The following GABPB1 variants were observed in gnomAD, a reference collection of about 807,000 sequenced individuals.
GABPB1 encodes the protein GA binding protein transcription factor subunit beta 1, also known as GA-binding protein subunit beta-1.
In GABPB1, 15 loss-of-function variants were observed where a neutral mutation model predicts 45.9. The ratio of observed to expected loss-of-function variants is 0.33; its 90% CI spans 0.22 to 0.50. The LOEUF (loss-of-function observed/expected upper bound fraction) is 0.50. Among genes scored for constraint, GABPB1 ranks in the 20% least tolerant of loss-of-function variants. The pLI is 0.98. For missense variants in GABPB1, 252 were observed against 457.5 expected (o/e 0.55, Z 4.10); for synonymous variants, 143 against 154.4 (o/e 0.93, Z 0.55).
chr15:50,346,007 G>A (rs775898772), intron 1 of GABPB1, among the ~76,000 whole-genome samples: 2 of 152,162 alleles, frequency 1.3e-5, no homozygotes, highest in South Asian at 2.1e-4. Flanking sequence ...CACCACGCCC[G>A]GTGAGAAGTC....
intron 1 of GABPB1, among the ~76,000 whole-genome samples, chr15:50,338,808 C>A (rs1438819188): frequency 6.6e-6 from 1 of 152,196 alleles, no homozygotes; most frequent in Non-Finnish European, 1.5e-5. Flanking sequence ...AAGCTATCTA[C>A]CACGATCACT....
intron 1 of GABPB1, among the ~76,000 whole-genome samples, chr15:50,333,758 G>A (rs2048023188): frequency 1.3e-5 from 2 of 152,144 alleles, no homozygotes. Context: ...GCCAGGCGTG[G>A]TGGCTCACGC....
At chr15:50,325,304 CAAAAA>C (rs35524259) in intron 1 of GABPB1, among the ~76,000 whole-genome samples, 7 of 120,990 alleles carry the variant, frequency 5.8e-5, no homozygotes, top group Admixed American at 8.1e-5. Context: ...GATGTTATGC[CAAAAA>C]AAAAAAAAAA....
intron 8 of GABPB1, 110 bp downstream of exon 8, chr15:50,285,958 C>T: frequency 6.8e-7 from 1 of 1,480,736 alleles, no homozygotes; most frequent in South Asian, 1.5e-5. Flanking sequence ...ATACTACGCA[C>T]TTTCATTCTG....
In GABPB1 at chr15:50,276,055, C is replaced by T. The variant is rs887352668; in HGVS notation, c.*2577G>A. 6 of 152,210 alleles carry T rather than the reference C, an allele frequency of 3.9e-5. No homozygotes were observed. The highest frequency in any genetic ancestry group is 7.3e-5 in the Non-Finnish European group (5 of 68,036). The allele number at this position is 152,210 out of a possible 1,614,324, so 9.4% of individuals were successfully genotyped here. ...AAGAAAATAATTCATTACACCATAA[C>T]ACTAAATGGCTTGTCTTGCAGAACC... On this transcript the variant is annotated 3_prime_UTR_variant, in exon 9 of 9. Transcript: ENST00000380877.
intron 1 of GABPB1, among the ~76,000 whole-genome samples, chr15:50,338,906 C>T (rs2048242536): frequency 6.6e-6 from 1 of 152,214 alleles, no homozygotes; most frequent in South Asian, 2.1e-4. Context: ...CACAGTGGCT[C>T]ATGTCTCACT....
chr15:50,292,838 G>A (rs1225998591), intron 6 of GABPB1, among the ~76,000 whole-genome samples: 1 of 101,420 alleles, frequency 9.9e-6, no homozygotes, highest in East Asian at 2.2e-4. Context: ...CAAAATAAAA[G>A]TGTGTATATG....
intron 1 of GABPB1, among the ~76,000 whole-genome samples, chr15:50,315,759 T>C (rs1428435820): frequency 6.6e-6 from 1 of 152,172 alleles, no homozygotes; most frequent in Non-Finnish European, 1.5e-5. Flanking sequence ...AAGTCACTAA[T>C]TTACTCAGTT....
At chr15:50,354,321 T>G in intron 1 of GABPB1, 1 of 447,008 alleles carries the variant, frequency 2.2e-6, no homozygotes, top group Middle Eastern at 3.3e-4. Context: ...AGGACTCCAG[T>G]CCCCGCGGCC....
chr15:50,283,285 G>A (rs760793991), intron 8 of GABPB1, among the ~76,000 whole-genome samples: 5 of 151,628 alleles, frequency 3.3e-5, no homozygotes, highest in South Asian at 2.1e-4. Context: ...TCTTCAATGC[G>A]GTAATAAATG....
intron 1 of GABPB1, among the ~76,000 whole-genome samples, chr15:50,320,731 G>T (rs1227601534): frequency 6.6e-6 from 1 of 152,102 alleles, no homozygotes; most frequent in Admixed American, 6.6e-5. Context: ...GAGGGAGACA[G>T]GAGGATCAGA....
intron 1 of GABPB1, among the ~76,000 whole-genome samples, chr15:50,341,695 C>T (rs745866188): frequency 2.6e-5 from 4 of 152,020 alleles, no homozygotes; most frequent in Non-Finnish European, 4.4e-5. Context: ...GATAAGTTAA[C>T]GTTTTATAAG....
intron 1 of GABPB1, among the ~76,000 whole-genome samples, chr15:50,319,839 AAAATAAAT>A (rs3076983): frequency 6.6e-6 from 1 of 151,212 alleles, no homozygotes; most frequent in Admixed American, 6.6e-5. Flanking sequence ...CTCCGTCTCA[AAAATAAAT>A]AAATAAATAA....
At chr15:50,353,028 C>T (rs1294041691) in intron 1 of GABPB1, 1 of 152,172 alleles carries the variant, frequency 6.6e-6, no homozygotes, top group Non-Finnish European at 1.5e-5. Context: ...AAAATCTGTA[C>T]CTCCTATAAT....
At chr15:50,354,347 G>T (rs2048994763) in intron 1 of GABPB1, 1 of 447,912 alleles carries the variant, frequency 2.2e-6, no homozygotes, top group African/African-American at 2.1e-5. Context: ...TGTCGCTGCG[G>T]GGGCCCCGCG....
intron 1 of GABPB1, chr15:50,347,450 T>C (rs1567553283): frequency 2.0e-5 from 3 of 152,148 alleles, no homozygotes; most frequent in East Asian, 1.9e-4. Context: ...CATAAATTTA[T>C]GTGTCATCCT....
intron 1 of GABPB1, chr15:50,352,960 T>C (rs567588496): frequency 1.3e-5 from 2 of 151,456 alleles, no homozygotes; most frequent in Admixed American, 6.6e-5. Context: ...ACTCTAAGGA[T>C]ATGTCTCTGC....
At chr15:50,341,533 C>CA (rs753947331) in intron 1 of GABPB1, among the ~76,000 whole-genome samples, 2,888 of 140,480 alleles carry the variant, frequency 0.021, 39 homozygotes, top group Non-Finnish European at 0.031. Context: ...AACCCCATCT[C>CA]AAAAAAAAAA....
chr15:50,336,412 G>A (rs1023301419), intron 1 of GABPB1, among the ~76,000 whole-genome samples: 2 of 148,806 alleles, frequency 1.3e-5, no homozygotes, highest in Non-Finnish European at 3.0e-5. Context: ...AACCTCACAA[G>A]CCTAGGTACA....
Sources: gnomAD v4.1 joint callset for allele counts (sites outside exome capture counted in the v4.1 genomes callset) on GRCh38, gnomAD v4.1.1 for gene constraint, MANE v1.5 for transcripts, NCBI Gene and HGNC (gene_info 2026-07-23, HGNC 2026-07-21) for gene names.